Variants in NECTIN3 observed in about 807,000 individuals in gnomAD.
The protein encoded by NECTIN3 is nectin-3.
In NECTIN3, 8 loss-of-function variants were observed where a neutral mutation model predicts 49.4. The observed-to-expected ratio is 0.16, with a 90% CI of 0.10 to 0.29. NECTIN3 has a LOEUF of 0.29. Ranked by LOEUF, NECTIN3 falls within the 10% of genes least tolerant of loss-of-function variation. The pLI is 1.00. For synonymous variants in NECTIN3, 277 were observed against 241.1 expected, an observed-to-expected ratio of 1.15 and a Z score of -1.38; for missense variants, 581 against 654.6, an observed-to-expected ratio of 0.89 and a Z score of 1.23.
chr3:111,082,507 C>T (rs150852143), intron 1 of NECTIN3, among the ~76,000 whole-genome samples: 6 of 151,772 alleles, frequency 4.0e-5, no homozygotes, highest in Admixed American at 6.6e-5. Context: ...GAAAAATGTT[C>T]AAGGAAAAAT....
At chr3:111,123,353 A>G (rs1276616068) in intron 4 of NECTIN3, among the ~76,000 whole-genome samples, 1 of 151,846 alleles carries the variant, frequency 6.6e-6, no homozygotes, top group African/African-American at 2.4e-5. Flanking sequence ...GTCTTTCATT[A>G]TGTAGATATT....
At chr3:111,170,230 A>G (rs1207965370) in intron 7 of NECTIN3, among the ~76,000 whole-genome samples, 1 of 152,212 alleles carries the variant, frequency 6.6e-6, no homozygotes, top group Non-Finnish European at 1.5e-5. Context: ...TGAGGGTAGG[A>G]TGGAATTAGG....
At chr3:111,122,369 T>C in intron 4 of NECTIN3, 131 bp downstream of exon 4, 1 of 668,364 alleles carries the variant, frequency 1.5e-6, no homozygotes, top group South Asian at 2.5e-5. Flanking sequence ...ATTTTCTGTC[T>C]TATCCTTCCC....
intron 2 of NECTIN3, among the ~76,000 whole-genome samples, chr3:111,113,631 A>G (rs950900587): frequency 6.6e-6 from 1 of 152,068 alleles, no homozygotes; most frequent in Non-Finnish European, 1.5e-5. Flanking sequence ...TTTTTGAGAA[A>G]TTTTCTGATT....
intron 1 of NECTIN3, among the ~76,000 whole-genome samples, chr3:111,085,202 CTA>C (rs1009697645): frequency 2.6e-5 from 4 of 152,220 alleles, no homozygotes; most frequent in African/African-American, 9.6e-5. Context: ...TGTGGACACT[CTA>C]TTTCCAAATA....
chr3:111,150,405 C>G (rs2034975810), intron 7 of NECTIN3, among the ~76,000 whole-genome samples: 1 of 151,768 alleles, frequency 6.6e-6, no homozygotes, highest in South Asian at 2.1e-4. Flanking sequence ...AACAGTATTT[C>G]ATGTATAAGA....
chr3:111,193,440 C>T, intron 1 of NECTIN3: 1 of 1,462,310 alleles, frequency 6.8e-7, no homozygotes, highest in Non-Finnish European at 9.2e-7. Flanking sequence ...GGGAGAGAAG[C>T]TAAGGCCAAT....
intron 7 of NECTIN3, among the ~76,000 whole-genome samples, chr3:111,159,071 C>T (rs564534911): frequency 4.6e-5 from 7 of 152,266 alleles, no homozygotes; most frequent in African/African-American, 1.4e-4. Flanking sequence ...TTAAGACTGA[C>T]TGAATTAATT....
intron 1 of NECTIN3, among the ~76,000 whole-genome samples, chr3:111,110,635 A>G (rs143433763): frequency 2.4e-3 from 362 of 152,152 alleles, no homozygotes; most frequent in African/African-American, 8.2e-3. Flanking sequence ...CACATTTCAT[A>G]TATCTTGGAG....
chr3:111,182,899 C>G (rs965567004), intron 7 of NECTIN3, among the ~76,000 whole-genome samples: 8 of 151,660 alleles, frequency 5.3e-5, no homozygotes, highest in African/African-American at 1.9e-4. Flanking sequence ...TCTGTTTGTC[C>G]CATTGGATCT....
At chr3:111,081,671 A>C (rs2031613918) in intron 1 of NECTIN3, among the ~76,000 whole-genome samples, 1 of 152,228 alleles carries the variant, frequency 6.6e-6, no homozygotes, top group Non-Finnish European at 1.5e-5. Context: ...GGGTGGAAGA[A>C]GACTTAGAGG....
chr3:111,074,620 G>A (rs1205897307), intron 1 of NECTIN3, among the ~76,000 whole-genome samples: 3 of 151,978 alleles, frequency 2.0e-5, no homozygotes, highest in Non-Finnish European at 2.9e-5. Flanking sequence ...CTTGCTGGCC[G>A]TTTGTTTTGG....
intron 7 of NECTIN3, among the ~76,000 whole-genome samples, chr3:111,180,773 C>A (rs1217117706): frequency 2.0e-5 from 3 of 152,132 alleles, no homozygotes; most frequent in Admixed American, 2.0e-4. Context: ...AACGGAGAAA[C>A]TTCTGCATCA....
intron 1 of NECTIN3, among the ~76,000 whole-genome samples, chr3:111,102,970 T>C (rs1304803796): frequency 6.6e-6 from 1 of 152,208 alleles, no homozygotes; most frequent in Non-Finnish European, 1.5e-5. Flanking sequence ...TTAAAGACTA[T>C]ATGAGTCTGT....
intron 1 of NECTIN3, among the ~76,000 whole-genome samples, chr3:111,093,131 T>C (rs191623143): frequency 5.1e-4 from 77 of 152,324 alleles, no homozygotes; most frequent in African/African-American, 1.7e-3. Flanking sequence ...ATTTTGTGTA[T>C]TGAGCTTGTA....
At chr3:111,178,657 G>A (rs554595013) in intron 7 of NECTIN3, among the ~76,000 whole-genome samples, 5 of 152,138 alleles carry the variant, frequency 3.3e-5, no homozygotes, top group African/African-American at 7.2e-5. Context: ...GGCAAAGCTC[G>A]CCAGTCTTGA....
intron 1 of NECTIN3, among the ~76,000 whole-genome samples, chr3:111,088,978 A>G (rs140274438): frequency 1.3e-5 from 2 of 152,202 alleles, no homozygotes; most frequent in African/African-American, 4.8e-5. Context: ...TACAGATTTA[A>G]TATCTTAATA....
chr3:111,076,952 G>A (rs1234775736), intron 1 of NECTIN3, among the ~76,000 whole-genome samples: 1 of 150,842 alleles, frequency 6.6e-6, no homozygotes, highest in Non-Finnish European at 1.5e-5. Flanking sequence ...CTCCAGCCTG[G>A]GTGACGGAGC....
intron 5 of NECTIN3, 69 bp from the exon 6 acceptor site, chr3:111,133,566 C>A: frequency 6.6e-7 from 1 of 1,522,374 alleles, no homozygotes; most frequent in Admixed American, 2.2e-5. Flanking sequence ...TGTCAACTTG[C>A]TGCTGAATCA....
Sources: allele counts gnomAD v4.1 joint callset (sites outside exome capture counted in the v4.1 genomes callset), GRCh38; gene constraint gnomAD v4.1.1; transcripts MANE v1.5; gene names NCBI Gene and HGNC (gene_info 2026-07-23, HGNC 2026-07-21).